The following CNTNAP2 variants were observed in gnomAD, a reference collection of about 807,000 sequenced individuals.
CNTNAP2 encodes the protein contactin associated protein 2.
A neutral mutation model predicts 155.2 loss-of-function variants in CNTNAP2; 98 were observed. That is an observed-to-expected ratio of 0.63 (90% CI 0.54 to 0.75). The LOEUF (loss-of-function observed/expected upper bound fraction) is 0.75, where lower values mean the gene tolerates loss of function less well. CNTNAP2 is among the 30% of genes least tolerant of loss of function. The probability of loss-of-function intolerance (pLI) is 0.00; values close to 1 mark genes in which losing one functional copy is unlikely to be tolerated. For missense variants in CNTNAP2, 1,727 were observed against 1,688.1 expected (o/e 1.02, Z -0.40); for synonymous variants, 651 against 631.2 (o/e 1.03, Z -0.47).
chr7:146,346,273 C>T (rs886386201), intron 1 of CNTNAP2, among the ~76,000 whole-genome samples: 2 of 152,144 alleles, frequency 1.3e-5, no homozygotes, highest in Admixed American at 1.3e-4. Flanking sequence ...CCATTGCTCA[C>T]ATTACCACCT....
chr7:147,865,136 A>G (rs751721105), intron 13 of CNTNAP2, among the ~76,000 whole-genome samples: 5 of 152,220 alleles, frequency 3.3e-5, no homozygotes, highest in Non-Finnish European at 7.3e-5. Flanking sequence ...TTTAGCAGGA[A>G]GGGCTGTTGA....
intron 1 of CNTNAP2, among the ~76,000 whole-genome samples, chr7:146,431,708 G>T (rs1181059947): frequency 2.6e-5 from 4 of 152,070 alleles, no homozygotes; most frequent in Non-Finnish European, 5.9e-5. Context: ...AAGTCACACA[G>T]CTGGTTAGTA....
intron 3 of CNTNAP2, among the ~76,000 whole-genome samples, chr7:147,015,580 T>C (rs942332433): frequency 2.6e-5 from 4 of 152,106 alleles, no homozygotes; most frequent in Non-Finnish European, 5.9e-5. Flanking sequence ...GCTGTGGTAA[T>C]GAGCAGGTGG....
At chr7:147,661,087 A>G (rs763489967) in intron 13 of CNTNAP2, among the ~76,000 whole-genome samples, 2 of 151,950 alleles carry the variant, frequency 1.3e-5, no homozygotes, top group African/African-American at 4.8e-5. Context: ...TGATGTACCT[A>G]TCTTTCCTGG....
At chr7:148,002,658 G>GA (rs1801918007) in intron 15 of CNTNAP2, among the ~76,000 whole-genome samples, 1 of 152,082 alleles carries the variant, frequency 6.6e-6, no homozygotes, top group South Asian at 2.1e-4. Context: ...AATAATGTAA[G>GA]AAAATACATT....
chr7:147,099,818 G>T (rs374006192), intron 4 of CNTNAP2, among the ~76,000 whole-genome samples: 11 of 151,994 alleles, frequency 7.2e-5, no homozygotes, highest in African/African-American at 2.4e-4. Flanking sequence ...TAGTCTTTTC[G>T]CCAGCAAAAA....
chr7:147,566,285 C>T (rs903694548), intron 12 of CNTNAP2, among the ~76,000 whole-genome samples: 2 of 139,850 alleles, frequency 1.4e-5, no homozygotes, highest in Non-Finnish European at 3.1e-5. Flanking sequence ...GCCAGAAACC[C>T]TGCCAAGAAG....
intron 13 of CNTNAP2, among the ~76,000 whole-genome samples, chr7:147,797,018 A>G (rs1179583630): frequency 6.6e-6 from 1 of 152,248 alleles, no homozygotes; most frequent in Non-Finnish European, 1.5e-5. Flanking sequence ...TAAAGAATCC[A>G]GAAATATCTT....
At chr7:147,602,825 T>C (rs1800979527) in intron 12 of CNTNAP2, among the ~76,000 whole-genome samples, 7 of 151,904 alleles carry the variant, frequency 4.6e-5, no homozygotes, top group Admixed American at 4.6e-4. Context: ...GAACTCATCA[T>C]TTTTTATGGC....
At chr7:147,565,372 C>G (rs1362763978) in intron 12 of CNTNAP2, among the ~76,000 whole-genome samples, 12 of 151,474 alleles carry the variant, frequency 7.9e-5, no homozygotes, top group Admixed American at 7.9e-4. Flanking sequence ...AAAAAGTGCG[C>G]TTTTTTTTAT....
chr7:147,531,506 C>T (rs1350125295), intron 11 of CNTNAP2, among the ~76,000 whole-genome samples: 1 of 152,198 alleles, frequency 6.6e-6, no homozygotes, highest in Non-Finnish European at 1.5e-5. Context: ...AGGGCTTACA[C>T]CCTCTGAAAC....
Position 147,425,571 on chromosome 7 carries a change from C to T in CNTNAP2, c.1670+29791C>T, listed in dbSNP as rs150697085. ...GCCCAACCTCACAATCATCTATTTG[C>T]TCTCCACCCCATTGTCAAACCAAGC... On this transcript the variant is annotated intron_variant, in intron 10 of 23. Coordinates refer to ENST00000361727, the MANE Select transcript of CNTNAP2 (RefSeq NM_014141.6). Among the ~76,000 whole-genome samples the T allele has an allele frequency of 2.0e-4, 31 of 152,176 alleles. 1 individual carries two copies. The highest frequency in any genetic ancestry group is 7.2e-4 in the African/African-American group (30 of 41,540).
chr7:147,470,679 A>C (rs1218818378), intron 10 of CNTNAP2, among the ~76,000 whole-genome samples: 1 of 152,146 alleles, frequency 6.6e-6, no homozygotes, highest in Non-Finnish European at 1.5e-5. Context: ...AGCCAGAAGA[A>C]TGGAGTGGCC....
At chr7:146,380,980 A>T (rs1462380117) in intron 1 of CNTNAP2, among the ~76,000 whole-genome samples, 1 of 150,468 alleles carries the variant, frequency 6.6e-6, no homozygotes, top group Non-Finnish European at 1.5e-5. Context: ...TTGTATTTTT[A>T]GTAGAGACAG....
intron 8 of CNTNAP2, among the ~76,000 whole-genome samples, chr7:147,233,360 T>C (rs1365482024): frequency 1.3e-5 from 2 of 152,214 alleles, no homozygotes; most frequent in Non-Finnish European, 2.9e-5. Flanking sequence ...TCACAGAGTC[T>C]GCAATATTTC....
intron 20 of CNTNAP2, among the ~76,000 whole-genome samples, chr7:148,241,039 C>T (rs548466860): frequency 1.3e-4 from 20 of 152,326 alleles, no homozygotes; most frequent in Non-Finnish European, 1.9e-4. Context: ...CTCACAGACA[C>T]ACCCAGGAAC....
intron 13 of CNTNAP2, among the ~76,000 whole-genome samples, chr7:147,725,760 A>G (rs1222255114): frequency 6.6e-6 from 1 of 152,072 alleles, no homozygotes; most frequent in Non-Finnish European, 1.5e-5. Context: ...TGTGAACCCA[A>G]CACGAGACTT....
intron 21 of CNTNAP2, among the ~76,000 whole-genome samples, chr7:148,293,964 G>A (rs1204601098): frequency 6.7e-6 from 1 of 149,748 alleles, no homozygotes; most frequent in Non-Finnish European, 1.5e-5. Flanking sequence ...GAACCCGGGA[G>A]GCAGAGGCTG....
At chr7:146,583,819 A>G (rs1798648105) in intron 1 of CNTNAP2, among the ~76,000 whole-genome samples, 1 of 152,122 alleles carries the variant, frequency 6.6e-6, no homozygotes, top group Non-Finnish European at 1.5e-5. Context: ...TTGAAATTCA[A>G]TTTAGAAAAA....
Sources: allele counts gnomAD v4.1 joint callset (sites outside exome capture counted in the v4.1 genomes callset), GRCh38; gene constraint gnomAD v4.1.1; transcripts MANE v1.5; gene names NCBI Gene and HGNC (gene_info 2026-07-23, HGNC 2026-07-21).